UBASH3A: variants seen among roughly 807,000 people sequenced by gnomAD.
UBASH3A encodes the protein ubiquitin-associated and SH3 domain-containing protein A.
A neutral mutation model predicts 73.5 loss-of-function variants in UBASH3A; 63 were observed. The observed-to-expected ratio is 0.86, with a 90% CI of 0.70 to 1.06. UBASH3A has a LOEUF of 1.06. Among genes scored for constraint, UBASH3A ranks in the 50% least tolerant of loss-of-function variants. The pLI is 0.00. For missense variants in UBASH3A, 860 were observed against 859.0 expected, an observed-to-expected ratio of 1.00 and a Z score of -0.02; for synonymous variants, 363 against 351.1, an observed-to-expected ratio of 1.03 and a Z score of -0.38.
At chr21:42,406,394 G>A (rs150478172) in intron 2 of UBASH3A, 33 bp downstream of exon 2, 94 of 1,591,324 alleles carry the variant, frequency 5.9e-5, no homozygotes, top group South Asian at 1.5e-4. Flanking sequence ...ACCCAGGGGC[G>A]TTTGGGCTGA....
chr21:42,406,413 T>C, intron 2 of UBASH3A, 52 bp downstream of exon 2: 1 of 1,490,468 alleles, frequency 6.7e-7, no homozygotes, highest in South Asian at 1.1e-5. Context: ...GAATTCCCTG[T>C]GCCTAAGGAC....
chr21:42,409,327 T>G, intron 2 of UBASH3A, 95 bp from the exon 3 acceptor site: 1 of 1,277,064 alleles, frequency 7.8e-7, no homozygotes. Context: ...CCTATAATTC[T>G]GCATTGCTGT....
intron 7 of UBASH3A, among the ~76,000 whole-genome samples, chr21:42,423,160 C>A (rs527681367): frequency 6.6e-6 from 1 of 152,338 alleles, no homozygotes; most frequent in African/African-American, 2.4e-5. Context: ...GAGCTCCCAG[C>A]TCCGAGCTTT....
intron 10 of UBASH3A, chr21:42,435,567 GAGTTATAGAGTT>G (rs1460420424): frequency 6.6e-6 from 1 of 152,486 alleles, no homozygotes; most frequent in Non-Finnish European, 1.5e-5. Flanking sequence ...CCGAGTTATA[GAGTTATAGAGTT>G]AGTTATAGAG....
chr21:42,423,136 A>G lies in UBASH3A; in HGVS notation c.1047-3561A>G, dbSNP rs529890938. Among the ~76,000 whole-genome samples the G allele has an allele frequency of 1.1e-4, 16 of 152,360 alleles. No individual in the cohort carries two copies. In the East Asian group the frequency reaches 2.1e-3, roughly 20 times the overall value. On this transcript the variant is annotated intron_variant, in intron 7 of 14. Coordinates refer to ENST00000319294, the MANE Select transcript of UBASH3A (RefSeq NM_018961.4). ...GCCAGGGCTGAGGTTTGTCCATACC[A>G]TGGCGTGCGCTGTGAGCTCCCAGCT...
chr21:42,446,233 A>G (rs891595013), intron 14 of UBASH3A, among the ~76,000 whole-genome samples: 4 of 151,986 alleles, frequency 2.6e-5, no homozygotes, highest in African/African-American at 9.7e-5. Context: ...CGTGGCGTTC[A>G]CCCTGCCCCT....
chr21:42,419,899 G>A (rs576251589), intron 7 of UBASH3A, among the ~76,000 whole-genome samples: 1 of 152,298 alleles, frequency 6.6e-6, no homozygotes, highest in South Asian at 2.1e-4. Flanking sequence ...ATAGGCTACT[G>A]TAAGTGTTCT....
intron 9 of UBASH3A, among the ~76,000 whole-genome samples, chr21:42,433,781 T>C (rs766483263): frequency 6.6e-6 from 1 of 152,064 alleles, no homozygotes; most frequent in Non-Finnish European, 1.5e-5. Flanking sequence ...GAAACTAAAA[T>C]GCAGGCATGA....
intron 14 of UBASH3A, among the ~76,000 whole-genome samples, chr21:42,445,994 C>T (rs965060475): frequency 2.2e-4 from 34 of 152,174 alleles, no homozygotes; most frequent in Admixed American, 7.2e-4. Flanking sequence ...TCCTCCTGTC[C>T]CTGCCCCGCT....
intron 9 of UBASH3A, among the ~76,000 whole-genome samples, chr21:42,433,116 T>G (rs2053564693): frequency 6.6e-6 from 1 of 152,102 alleles, no homozygotes. Context: ...GAAAAAATAT[T>G]TGGTCATCTG....
intron 14 of UBASH3A, among the ~76,000 whole-genome samples, chr21:42,445,953 A>C (rs2053836821): frequency 1.3e-5 from 2 of 152,078 alleles, no homozygotes; most frequent in Admixed American, 6.5e-5. Context: ...GCTTCTGCAA[A>C]TGGGTCTCCC....
intron 14 of UBASH3A, 32 bp from the exon 15 acceptor site, chr21:42,447,025 A>G: frequency 3.1e-6 from 5 of 1,602,722 alleles, no homozygotes; most frequent in Non-Finnish European, 4.3e-6. Flanking sequence ...TTGCTATAAG[A>G]TATTAACAAG....
rs749070350 is a variant in UBASH3A at position 42,416,618 on chromosome 21, G to A, written c.837+7G>A. ...GCGCTTTGTGCACTACCAGGTGAGA[G>A]AGCTGAGCAGGGGCTCATAAGAAGC... On this transcript the variant is annotated splice_region_variant and intron_variant, in intron 6 of 14. Coordinates refer to ENST00000319294, the MANE Select transcript of UBASH3A (RefSeq NM_018961.4). 6.4e-7 allele frequency: 1 copy of A among 1,559,092 alleles called. No homozygotes were observed.
intron 9 of UBASH3A, among the ~76,000 whole-genome samples, chr21:42,433,834 T>C (rs1434092221): frequency 1.3e-5 from 2 of 152,080 alleles, no homozygotes; most frequent in Non-Finnish European, 2.9e-5. Context: ...CACTGCCCCC[T>C]GACTCTGGGT....
At chr21:42,417,585 A>G (rs1234206516) in intron 6 of UBASH3A, 1 of 152,150 alleles carries the variant, frequency 6.6e-6, no homozygotes, top group Non-Finnish European at 1.5e-5. Flanking sequence ...GTGCTGCCAA[A>G]GTGAGCACAA....
intron 12 of UBASH3A, 128 bp from the exon 13 acceptor site, chr21:42,443,184 G>T: frequency 1.4e-6 from 2 of 1,409,702 alleles, no homozygotes; most frequent in South Asian, 3.2e-5. Flanking sequence ...CCTGCCTGTT[G>T]ACCATGAGCC....
chr21:42,437,758 A>G (rs1370656265), intron 11 of UBASH3A, among the ~76,000 whole-genome samples, 178 bp downstream of exon 11: 1 of 152,194 alleles, frequency 6.6e-6, no homozygotes, highest in Non-Finnish European at 1.5e-5. Flanking sequence ...TGGGTCCGTG[A>G]GCGTGTCTGG....
chr21:42,420,911 T>C (rs1431964301), intron 7 of UBASH3A, among the ~76,000 whole-genome samples: 2 of 152,364 alleles, frequency 1.3e-5, no homozygotes, highest in Admixed American at 6.5e-5. Flanking sequence ...TAGCATTTGA[T>C]GGGATAGCTA....
At chr21:42,421,649 T>G (rs773374836) in intron 7 of UBASH3A, among the ~76,000 whole-genome samples, 2 of 152,232 alleles carry the variant, frequency 1.3e-5, no homozygotes, top group African/African-American at 2.4e-5. Context: ...GTACCCTTCC[T>G]AATGAGATTC....
Sources: gnomAD v4.1 joint callset for allele counts (sites outside exome capture counted in the v4.1 genomes callset) on GRCh38, gnomAD v4.1.1 for gene constraint, MANE v1.5 for transcripts, NCBI Gene and HGNC (gene_info 2026-07-23, HGNC 2026-07-21) for gene names.